NKAIN2: variants seen among roughly 807,000 people sequenced by gnomAD.
The protein encoded by NKAIN2 is sodium/potassium transporting ATPase interacting 2, also known as sodium/potassium-transporting ATPase subunit beta-1-interacting protein 2.
A neutral mutation model predicts 32.6 loss-of-function variants in NKAIN2; 14 were observed. That is an observed-to-expected ratio of 0.43 (90% confidence interval 0.28 to 0.67). The LOEUF is 0.67. NKAIN2 is among the 30% of genes least tolerant of loss of function. The probability of loss-of-function intolerance (pLI) is 0.17; values close to 1 mark genes in which losing one functional copy is unlikely to be tolerated. For missense variants in NKAIN2, 198 were observed against 258.3 expected (o/e 0.77, Z 1.60); for synonymous variants, 80 against 87.2 (o/e 0.92, Z 0.46).
At chr6:123,864,850 T>C (rs1196848338) in intron 1 of NKAIN2, among the ~76,000 whole-genome samples, 2 of 152,184 alleles carry the variant, frequency 1.3e-5, no homozygotes, top group Non-Finnish European at 2.9e-5. Flanking sequence ...CTCCTAGAAA[T>C]TAATTGGTTA....
At chr6:124,285,588 T>A (rs1247050881) in intron 2 of NKAIN2, among the ~76,000 whole-genome samples, 7 of 152,128 alleles carry the variant, frequency 4.6e-5, no homozygotes, top group African/African-American at 7.2e-5. Flanking sequence ...CAGTACTGTG[T>A]GTTTTAGGTT....
intron 1 of NKAIN2, among the ~76,000 whole-genome samples, chr6:124,102,970 A>G (rs1203841144): frequency 6.6e-6 from 1 of 152,106 alleles, no homozygotes; most frequent in Non-Finnish European, 1.5e-5. Flanking sequence ...TCTGTCATTG[A>G]CTGGAAACAC....
chr6:124,034,970 G>A (rs952391099), intron 1 of NKAIN2, among the ~76,000 whole-genome samples: 15 of 151,982 alleles, frequency 9.9e-5, no homozygotes, highest in Admixed American at 8.5e-4. Context: ...AGGCTTGGGA[G>A]AGTCCATTTC....
chr6:124,144,995 A>G (rs1347281981), intron 1 of NKAIN2, among the ~76,000 whole-genome samples: 1 of 152,200 alleles, frequency 6.6e-6, no homozygotes, highest in Non-Finnish European at 1.5e-5. Flanking sequence ...ACCAGAGACA[A>G]TATTCCGATG....
At chr6:124,276,363 A>G (rs1023946988) in intron 1 of NKAIN2, among the ~76,000 whole-genome samples, 10 of 151,970 alleles carry the variant, frequency 6.6e-5, no homozygotes, top group South Asian at 2.1e-4. Context: ...ATATATACAC[A>G]TGCATTTGAG....
At chr6:124,077,626 T>C (rs1783753687) in intron 1 of NKAIN2, among the ~76,000 whole-genome samples, 1 of 152,048 alleles carries the variant, frequency 6.6e-6, no homozygotes, top group African/African-American at 2.4e-5. Context: ...GCCAAATTTT[T>C]AAATTCTTTT....
chr6:124,027,285 G>A (rs984973041), intron 1 of NKAIN2, among the ~76,000 whole-genome samples: 3 of 151,872 alleles, frequency 2.0e-5, no homozygotes, highest in Non-Finnish European at 2.9e-5. Flanking sequence ...GATTACAGGT[G>A]CCTGCCACTA....
chr6:124,284,355 G>A (rs1175948364), intron 2 of NKAIN2, among the ~76,000 whole-genome samples: 2 of 152,050 alleles, frequency 1.3e-5, no homozygotes, highest in Non-Finnish European at 2.9e-5. Flanking sequence ...TGGAATCTTC[G>A]ATCTGCCAAA....
intron 2 of NKAIN2, among the ~76,000 whole-genome samples, chr6:124,298,415 C>T (rs905938760): frequency 2.6e-5 from 4 of 151,940 alleles, no homozygotes; most frequent in African/African-American, 4.8e-5. Context: ...TGTCATGATT[C>T]GAATTACTAG....
At chr6:124,439,972 T>C (rs1775622820) in intron 3 of NKAIN2, among the ~76,000 whole-genome samples, 1 of 152,050 alleles carries the variant, frequency 6.6e-6, no homozygotes, top group African/African-American at 2.4e-5. Flanking sequence ...CTGAGGGTGA[T>C]CCTAAAAAGC....
At chr6:124,813,144 C>A (rs1050239169) in intron 5 of NKAIN2, among the ~76,000 whole-genome samples, 2 of 152,034 alleles carry the variant, frequency 1.3e-5, no homozygotes, top group Non-Finnish European at 1.5e-5. Flanking sequence ...AGACATGAAG[C>A]ACATGAACTA....
intron 1 of NKAIN2, among the ~76,000 whole-genome samples, chr6:124,056,407 A>G (rs1360963723): frequency 6.6e-6 from 1 of 151,984 alleles, no homozygotes; most frequent in Non-Finnish European, 1.5e-5. Context: ...AAAAAAACTT[A>G]AAGATATTCT....
intron 1 of NKAIN2, among the ~76,000 whole-genome samples, chr6:124,147,452 A>C (rs1185449023): frequency 1.3e-5 from 2 of 152,180 alleles, no homozygotes; most frequent in African/African-American, 4.8e-5. Flanking sequence ...ACAGAATAGA[A>C]ATAAGATCCA....
At chr6:124,642,642 C>G (rs1784034015) in intron 3 of NKAIN2, among the ~76,000 whole-genome samples, 1 of 152,174 alleles carries the variant, frequency 6.6e-6, no homozygotes, top group African/African-American at 2.4e-5. Context: ...GCCTCCCCCA[C>G]TATTCCATCT....
intron 1 of NKAIN2, among the ~76,000 whole-genome samples, chr6:124,050,028 T>C (rs532564420): frequency 2.0e-5 from 3 of 151,976 alleles, no homozygotes; most frequent in Non-Finnish European, 2.9e-5. Flanking sequence ...AAATTGTGAA[T>C]AGGGATAAAG....
At chr6:124,410,187 C>A (rs1054280323) in intron 3 of NKAIN2, among the ~76,000 whole-genome samples, 93 of 151,944 alleles carry the variant, frequency 6.1e-4, no homozygotes, top group African/African-American at 2.2e-3. Flanking sequence ...TTGTGTCTCT[C>A]TCTCCTTCAG....
chr6:124,814,384 C>T (rs1277454330), intron 5 of NKAIN2, among the ~76,000 whole-genome samples: 9 of 152,140 alleles, frequency 5.9e-5, no homozygotes, highest in Admixed American at 2.0e-4. Context: ...AATTTGAATG[C>T]CCCCTCATGA....
At chr6:124,610,972 C>T (rs945972373) in intron 3 of NKAIN2, among the ~76,000 whole-genome samples, 7 of 151,960 alleles carry the variant, frequency 4.6e-5, no homozygotes, top group Admixed American at 1.3e-4. Context: ...ATTTCCTTAC[C>T]GCTACTGAAT....
chr6:124,093,089 T>G (rs992811263), intron 1 of NKAIN2, among the ~76,000 whole-genome samples: 3 of 152,134 alleles, frequency 2.0e-5, no homozygotes, highest in African/African-American at 7.2e-5. Flanking sequence ...AGCTGCATGA[T>G]TTCCTCTGGG....
Sources: allele counts gnomAD v4.1 joint callset (sites outside exome capture counted in the v4.1 genomes callset), GRCh38; gene constraint gnomAD v4.1.1; transcripts MANE v1.5; gene names NCBI Gene and HGNC (gene_info 2026-07-23, HGNC 2026-07-21).